The following ELAVL3 variants were observed in gnomAD, a reference collection of about 807,000 sequenced individuals.
The protein encoded by ELAVL3 is ELAV like RNA binding protein 3.
ELAVL3 carries 8 observed loss-of-function variants against 34.2 expected under a neutral mutation model. That is an observed-to-expected ratio of 0.23 (90% confidence interval 0.14 to 0.42). The LOEUF (loss-of-function observed/expected upper bound fraction) is 0.42. Ranked by LOEUF, ELAVL3 falls within the 10% of genes least tolerant of loss-of-function variation. The pLI is 1.00. For missense variants in ELAVL3, 273 were observed against 518.8 expected (o/e 0.53, Z 4.60); for synonymous variants, 209 against 222.1 (o/e 0.94, Z 0.53).
Position 11,480,481 on chromosome 19 carries a change from C to T in ELAVL3, c.9+119G>A, listed in dbSNP as rs1361124791. 6 of 1,221,766 alleles carry T rather than the reference C, an allele frequency of 4.9e-6. 1 individual carries two copies. The South Asian group carries it at 1.0e-4, about 21-fold the overall frequency. The allele number at this position is 1,221,766 out of a possible 1,614,324, so 75.7% of individuals were successfully genotyped here. ...GCCCCGAGGCTTGGTCCTACCCCCC[C>T]AACCCGGGCCTAGCTAGGCCTGGTC... is the stretch of plus-strand genomic sequence containing the variant. On this transcript the variant is annotated intron_variant, in intron 1 of 6. Transcript: ENST00000359227. This position sits in a 1 kb window ranked among gnomAD's most constrained non-coding sequence, Gnocchi z 6.8.
intron 1 of ELAVL3, among the ~76,000 whole-genome samples, chr19:11,468,885 C>CT (rs796799605): frequency 3.9e-4 from 59 of 151,194 alleles, no homozygotes; most frequent in Middle Eastern, 3.4e-3. Context: ...ATTTTATTGA[C>CT]TTTTTTTTTA....
intron 3 of ELAVL3, among the ~76,000 whole-genome samples, chr19:11,461,684 A>AC (rs922344460): frequency 7.7e-4 from 117 of 151,350 alleles, no homozygotes; most frequent in African/African-American, 2.4e-3. Flanking sequence ...CACAGCCTTG[A>AC]CCCCCCCGGG....
Position 11,466,783 on chromosome 19 carries a change from G to T in ELAVL3, c.54C>A (p.Ala18=). The change falls in exon 2 of 7, where the codon GCC becomes GCA. Residue 18 remains alanine, a synonymous_variant. Coordinates refer to ENST00000359227, the MANE Select transcript of ELAVL3 (RefSeq NM_001420.4). This position sits in a 1 kb window ranked among gnomAD's most constrained non-coding sequence, Gnocchi z 5.0. ...GTGGCCCGTTGGGCAGGGCCGGGCC[G>T]GCCGGGCCCCCCCCCACCTGAGACT... ...AMESQVGGGP[A]GPALPNGPLL... 1 of 1,613,264 alleles carries T rather than the reference G, an allele frequency of 6.2e-7. No individual in the cohort carries two copies.
intron 1 of ELAVL3, among the ~76,000 whole-genome samples, chr19:11,479,358 CA>C (rs891147923): frequency 2.6e-4 from 40 of 152,166 alleles, no homozygotes; most frequent in African/African-American, 8.4e-4. Context: ...GAGGGAGCGC[CA>C]ATCATGCCCC....
chr19:11,455,727 C>T (rs1970755104), intron 6 of ELAVL3, among the ~76,000 whole-genome samples: 1 of 152,122 alleles, frequency 6.6e-6, no homozygotes, highest in Non-Finnish European at 1.5e-5. Flanking sequence ...GCCACTGCAC[C>T]CGGCTTTCCT....
At chr19:11,457,979 C>T (rs1294431559) in intron 5 of ELAVL3, 82 bp downstream of exon 5, 1 of 1,460,544 alleles carries the variant, frequency 6.8e-7, no homozygotes, top group Non-Finnish European at 9.4e-7. Flanking sequence ...GGCATCCCTC[C>T]CTTCGGCAGG....
Position 11,454,643 on chromosome 19 carries a change from G to A in ELAVL3, c.987C>T (p.Phe329=), listed in dbSNP as rs148710112. The change falls in exon 7 of 7, where the codon TTC becomes TTT. Residue 329 remains phenylalanine (F), a synonymous_variant. Transcript: ENST00000359227. The surrounding 1 kb of genome is among the most constrained non-coding windows in gnomAD (Gnocchi z 9.2). The stretch of plus-strand genomic sequence containing the variant: ...CCTCGTCATAGTTGGTCATGGTCAC[G>A]AAGCCGAAACCCTTGCACTTGTTGG... ...FTTNKCKGFG[F]VTMTNYDEAA... 13 of 1,614,114 alleles carry A rather than the reference G, an allele frequency of 8.1e-6. No homozygotes were observed. The highest frequency in any genetic ancestry group is 8.0e-5 in the African/African-American group (6 of 74,952).
rs2144866338 is a variant in ELAVL3, at chr19:11,451,586, G to A, written c.*2940C>T. On this transcript the variant is annotated 3_prime_UTR_variant, in exon 7 of 7. Coordinates refer to ENST00000359227, the MANE Select transcript of ELAVL3 (RefSeq NM_001420.4). ...CCTTCCGAATAAATAACAGGATGAA[G>A]GGAGGGGTGGAGGGGCTGAGCCCCC... The A allele has an allele frequency of 6.7e-6, 1 of 148,790 alleles. No homozygotes were observed. The highest frequency in any genetic ancestry group is 2.0e-4 in the East Asian group (1 of 4,962). The allele number at this position is 148,790 out of a possible 1,614,324, so 9.2% of individuals were successfully genotyped here.
Position 11,453,493 on chromosome 19 carries a change from T to C in ELAVL3, c.*1033A>G, listed in dbSNP as rs1970699249. The C allele has an allele frequency of 6.5e-6, 1 of 152,756 alleles. No homozygotes were observed. Among genetic ancestry groups the C allele is most frequent in the Admixed American group, 6.5e-5 (1 of 15,294 alleles). The allele number at this position is 152,756 out of a possible 1,614,324, so 9.5% of individuals were successfully genotyped here. ...TTTCTCCGTGACCTGGTGTCCAAAT[T>C]TGATGTCCAAATATCTATCGCTACA... On this transcript the variant is annotated 3_prime_UTR_variant, in exon 7 of 7. Transcript: ENST00000359227.
intron 1 of ELAVL3, among the ~76,000 whole-genome samples, chr19:11,471,341 G>C (rs192765461): frequency 1.3e-5 from 2 of 150,646 alleles, no homozygotes; most frequent in South Asian, 2.1e-4. Flanking sequence ...TGAGCCAGGC[G>C]CAGTGGCTCA....
At chr19:11,475,947 G>A (rs1971255193) in intron 1 of ELAVL3, among the ~76,000 whole-genome samples, 1 of 152,074 alleles carries the variant, frequency 6.6e-6, no homozygotes, top group Non-Finnish European at 1.5e-5. Flanking sequence ...GGCACAGAAG[G>A]TCAGCTCCCC....
Position 11,468,413 on chromosome 19 carries a change from A to ATTT in ELAVL3, c.10-1589_10-1587dup, listed in dbSNP as rs761406195. Among the ~76,000 whole-genome samples the ATTT allele has an allele frequency of 3.9e-5, 5 of 128,920 alleles. 1 individual carries two copies. The highest frequency in any genetic ancestry group is 1.4e-4 in the African/African-American group (5 of 34,948). The allele number at this position is 128,920 out of a possible 152,430, so 84.6% of individuals were successfully genotyped here. A position where few individuals can be genotyped will look rare whatever the true frequency, so the allele number is the denominator to read the frequency against. On this transcript the variant is annotated intron_variant, in intron 1 of 6. Transcript: ENST00000359227. ...TGTGATAGTGGCTTCTTTATTCCTGATTTTTTTTTTTTTTTTTTAAAGACA... is the reference window on the plus strand; with the variant it reads ...TGTGATAGTGGCTTCTTTATTCCTGATTTTTTTTTTTTTTTTTTTTTAAAGACA...
In ELAVL3 at chr19:11,458,510, G is replaced by A. The variant is rs757495317; in HGVS notation, c.435C>T (p.Phe145=). The stretch of plus-strand genomic sequence containing the variant: ...ACGTGATGATGCGGCCGTACTGGGA[G>A]AAGAGCTGCTCCATCTCTTTCTGGC... ...TMSQKEMEQL[F]SQYGRIITSR... is the part of the protein sequence containing the mutation. Residue 145 remains phenylalanine, a synonymous_variant, in exon 4 of 7, where the codon TTC becomes TTT. Coordinates refer to ENST00000359227, the MANE Select transcript of ELAVL3 (RefSeq NM_001420.4). The surrounding 1 kb of genome is among the most constrained non-coding windows in gnomAD (Gnocchi z 7.3). 67 of 1,614,090 alleles carry A rather than the reference G, an allele frequency of 4.2e-5. No homozygotes were observed. The highest frequency in any genetic ancestry group is 5.5e-5 in the Non-Finnish European group (65 of 1,180,052).
Position 11,476,669 on chromosome 19 carries a change from C to T in ELAVL3, c.9+3931G>A, listed in dbSNP as rs376532192. ...ATCCCAATACTTTGGGAGGCCTAGGCGGGAGGATCACCTGAGGTCAGGAGT... is the reference window on the plus strand; with the variant it reads ...ATCCCAATACTTTGGGAGGCCTAGGTGGGAGGATCACCTGAGGTCAGGAGT... On this transcript the variant is annotated intron_variant, in intron 1 of 6. Transcript: ENST00000359227. Among the ~76,000 whole-genome samples the T allele has an allele frequency of 3.3e-4, 50 of 152,166 alleles. 1 individual carries two copies. In the South Asian group the frequency reaches 8.1e-3, roughly 25 times the overall value.
rs1469465607 is a variant in ELAVL3 at position 11,454,918 on chromosome 19, A to G, written c.753-41T>C. The G allele has an allele frequency of 1.3e-6, 2 of 1,554,932 alleles. No homozygotes were observed. Among genetic ancestry groups the G allele is most frequent in the South Asian group, 2.4e-5 (2 of 83,918 alleles). ...CGCGGGCTCTGCCCTGACCCCCCGC[A>G]TGCTTCTGACCCCGTTGTGACCCTT... On this transcript the variant is annotated intron_variant, in intron 6 of 6. Transcript: ENST00000359227. This position sits in a 1 kb window ranked among gnomAD's most constrained non-coding sequence, Gnocchi z 9.2.
chr19:11,471,318 A>G (rs1473895137), intron 1 of ELAVL3, among the ~76,000 whole-genome samples: 1 of 134,552 alleles, frequency 7.4e-6, no homozygotes, highest in Non-Finnish European at 1.6e-5. Flanking sequence ...TCAAAAAAAA[A>G]AATTTTTTTT....
At chr19:11,474,629 A>T (rs1330144829) in intron 1 of ELAVL3, among the ~76,000 whole-genome samples, 1 of 151,936 alleles carries the variant, frequency 6.6e-6, no homozygotes, top group Non-Finnish European at 1.5e-5. Context: ...GTTGTGAGCC[A>T]CCATGCCTGG....
intron 1 of ELAVL3, among the ~76,000 whole-genome samples, chr19:11,470,911 T>C (rs1213878124): frequency 6.6e-6 from 1 of 152,160 alleles, no homozygotes; most frequent in Non-Finnish European, 1.5e-5. Context: ...AGTGTTGTGA[T>C]TGTAGTTCAC....
At chr19:11,479,346 T>C (rs1352233473) in intron 1 of ELAVL3, among the ~76,000 whole-genome samples, 1 of 151,676 alleles carries the variant, frequency 6.6e-6, no homozygotes, top group East Asian at 2.0e-4. Context: ...GGCTTAGGCA[T>C]GGAGGGAGCG....
Sources: gnomAD v4.1 joint callset for allele counts (sites outside exome capture counted in the v4.1 genomes callset) on GRCh38, gnomAD v4.1.1 for gene constraint, Gnocchi (gnomAD v3.1) non-coding constraint, MANE v1.5 for transcripts, NCBI Gene and HGNC (gene_info 2026-07-23, HGNC 2026-07-21) for gene names.